The following COL4A4 variants were observed in gnomAD, a reference collection of about 807,000 sequenced individuals.
COL4A4 encodes collagen alpha-4(IV) chain.
A neutral mutation model predicts 192.9 loss-of-function variants in COL4A4; 105 were observed. The ratio of observed to expected loss-of-function variants is 0.54; its 90% CI spans 0.46 to 0.64. The LOEUF is 0.64. Ranked by LOEUF, COL4A4 falls within the 30% of genes least tolerant of loss-of-function variation. COL4A4 has a pLI of 0.00. For missense variants in COL4A4, 1,967 were observed against 2,169.3 expected (o/e 0.91, Z 1.85); for synonymous variants, 762 against 769.9 (o/e 0.99, Z 0.17).
chr2:227,047,206 C>G (rs747731211), intron 35 of COL4A4, among the ~76,000 whole-genome samples: 1 of 151,858 alleles, frequency 6.6e-6, no homozygotes, highest in Non-Finnish European at 1.5e-5. Flanking sequence ...TATGGGCATG[C>G]CTGGGGAGTT....
intron 44 of COL4A4, among the ~76,000 whole-genome samples, chr2:227,013,889 A>G (rs978038081): frequency 6.6e-6 from 1 of 151,990 alleles, no homozygotes; most frequent in Non-Finnish European, 1.5e-5. Context: ...CTGAGGGACC[A>G]GCCTTGCCTG....
the COL4A4 span, among the ~76,000 whole-genome samples, chr2:226,975,732 T>C: frequency 6.6e-6 from 1 of 152,218 alleles, no homozygotes; most frequent in Non-Finnish European, 1.5e-5. Context: ...CATAAACTCC[T>C]TAAGTATTGC....
the COL4A4 span, among the ~76,000 whole-genome samples, chr2:226,973,263 C>T: frequency 6.6e-6 from 1 of 152,188 alleles, no homozygotes; most frequent in Non-Finnish European, 1.5e-5. Context: ...ATATCCTTCC[C>T]AGAGAAAGAA....
chr2:227,048,640 C>G (rs986460022), intron 34 of COL4A4, among the ~76,000 whole-genome samples: 1 of 152,174 alleles, frequency 6.6e-6, no homozygotes, highest in East Asian at 1.9e-4. Flanking sequence ...AACTATGTCT[C>G]CTATCTGTGG....
rs753016038 is a variant in COL4A4, at chr2:227,140,220, C to G, written c.133G>C (p.Gly45Arg). Residue 45 changes from glycine (G) to arginine (R), a missense_variant, in exon 4 of 48, where the codon GGT (glycine) becomes CGT (arginine). Transcript: ENST00000396625. Reference protein sequence around the residue: ...YVYGSGKKYIGPCGGRDCSVC... With the variant: ...YVYGSGKKYIRPCGGRDCSVC... Reference sequence around the variant, plus strand: ...GAGCAATCTCTTCCTCCACAAGGACCAATGTATTTCTTTCCACTCTGGAAA... The same window carrying G: ...GAGCAATCTCTTCCTCCACAAGGACGAATGTATTTCTTTCCACTCTGGAAA... The G allele has an allele frequency of 1.2e-6, 2 of 1,614,060 alleles. No individual in the cohort carries two copies. Among genetic ancestry groups the G allele is most frequent in the East Asian group, 2.2e-5 (1 of 44,866 alleles).
Position 227,010,423 on chromosome 2 carries a change from T to G in COL4A4, c.4412A>C (p.His1471Pro), listed in dbSNP as rs762796207. Residue 1471 changes from histidine to proline, a missense_variant, in exon 46 of 48, where the codon CAC (histidine) becomes CCC (proline). His to Pro is a moderately conservative substitution (Grantham distance 77). Transcript: ENST00000396625. ...GYLGGFLLVL[H>P]SQTDQEPTCP... ...GGTGGGCTCCTGGTCCGTCTGACTG[T>G]GGAGAACCAGGAGGAAGCCACCGAG... is the stretch of plus-strand genomic sequence containing the variant. 9 of 1,613,868 alleles carry G rather than the reference T, an allele frequency of 5.6e-6. No individual in the cohort carries two copies. The highest frequency in any genetic ancestry group is 7.6e-6 in the Non-Finnish European group (9 of 1,179,934).
At chr2:227,051,211 T>C (rs1354420938) in intron 32 of COL4A4, 53 bp from the exon 33 acceptor site, 7 of 1,582,498 alleles carry the variant, frequency 4.4e-6, no homozygotes, top group Non-Finnish European at 6.1e-6. Context: ...AGCTAGGTAA[T>C]AGTTAAGCTG....
At chr2:226,991,410 G>C in the COL4A4 span, among the ~76,000 whole-genome samples, 1 of 152,178 alleles carries the variant, frequency 6.6e-6, no homozygotes, top group African/African-American at 2.4e-5. Context: ...TCAATCTCCT[G>C]ACCTCGTGAA....
chr2:226,967,388 TTTATTA>T, the COL4A4 span, among the ~76,000 whole-genome samples: 1 of 152,090 alleles, frequency 6.6e-6, no homozygotes, highest in Non-Finnish European at 1.5e-5. Flanking sequence ...TTTTCTTTAT[TTTATTA>T]TTATTATACT....
At chr2:227,109,570 A>T in intron 9 of COL4A4, 1 of 537,996 alleles carries the variant, frequency 1.9e-6, no homozygotes, top group Non-Finnish European at 3.4e-6. Flanking sequence ...AACATGGTGA[A>T]ACCCCGTCTC....
chr2:227,067,130 A>T (rs1323845041), intron 25 of COL4A4, among the ~76,000 whole-genome samples: 1 of 152,188 alleles, frequency 6.6e-6, no homozygotes, highest in Non-Finnish European at 1.5e-5. Flanking sequence ...AGGCCATTAC[A>T]TAATGGGAAA....
the COL4A4 span, among the ~76,000 whole-genome samples, chr2:226,976,706 T>TA: frequency 6.6e-6 from 1 of 152,152 alleles, no homozygotes; most frequent in African/African-American, 2.4e-5. Context: ...AGGAGTACCT[T>TA]AACGGGGCCT....
chr2:226,986,180 A>C, the COL4A4 span, among the ~76,000 whole-genome samples: 4 of 152,372 alleles, frequency 2.6e-5, no homozygotes, highest in South Asian at 2.1e-4. Flanking sequence ...TGTCAAGGTC[A>C]TGGGGGTCAA....
chr2:226,991,610 G>A, the COL4A4 span, among the ~76,000 whole-genome samples: 2 of 152,164 alleles, frequency 1.3e-5, no homozygotes, highest in African/African-American at 4.8e-5. Flanking sequence ...ACTGTCATGT[G>A]GCACTCAGCT....
intron 2 of COL4A4, among the ~76,000 whole-genome samples, chr2:227,146,230 T>C (rs770407035): frequency 6.6e-6 from 1 of 151,888 alleles, no homozygotes; most frequent in Non-Finnish European, 1.5e-5. Flanking sequence ...CCCTTTATAC[T>C]GCACTGGACT....
chr2:227,077,836 A>C, intron 25 of COL4A4, 58 bp downstream of exon 25: 1 of 1,470,846 alleles, frequency 6.8e-7, no homozygotes. Flanking sequence ...TCCACATAAG[A>C]AAAATAAACA....
intron 44 of COL4A4, among the ~76,000 whole-genome samples, chr2:227,019,885 T>C (rs1213531811): frequency 6.6e-6 from 1 of 152,238 alleles, no homozygotes; most frequent in Non-Finnish European, 1.5e-5. Context: ...CAGGCTAGTC[T>C]CAAACTCCTG....
At chr2:226,991,698 A>G in the COL4A4 span, among the ~76,000 whole-genome samples, 2 of 152,154 alleles carry the variant, frequency 1.3e-5, no homozygotes, top group South Asian at 2.1e-4. Context: ...CATTTTATAG[A>G]TAAGGAAACT....
chr2:227,062,513 C>T lies in COL4A4; in HGVS notation c.2056+17G>A, dbSNP rs1204524562. ...CTCTGGGAAGTATATAAGACAGTAA[C>T]TTCTCATTGATAATACCTGGAGGTC... On this transcript the variant is annotated intron_variant, in intron 26 of 47. Transcript: ENST00000396625. 2.7e-6 allele frequency: 4 copies of T among 1,494,906 alleles called. No individual in the cohort carries two copies. Among genetic ancestry groups the T allele is most frequent in the Non-Finnish European group, 3.7e-6 (4 of 1,072,192 alleles). The allele number at this position is 1,494,906 out of a possible 1,614,324, so 92.6% of individuals were successfully genotyped here.
Sources: gnomAD v4.1 joint callset for allele counts (sites outside exome capture counted in the v4.1 genomes callset) on GRCh38, gnomAD v4.1.1 for gene constraint, MANE v1.5 for transcripts, NCBI Gene and HGNC (gene_info 2026-07-23, HGNC 2026-07-21) for gene names.